Variants in ABCC5 observed in about 807,000 individuals in gnomAD.
ABCC5 encodes the protein ATP-binding cassette sub-family C member 5.
Under a neutral mutation model 160.9 loss-of-function variants are expected in ABCC5, and 61 were observed. The observed-to-expected ratio is 0.38, with a 90% confidence interval of 0.31 to 0.47. The LOEUF is 0.47. Ranked by LOEUF, ABCC5 falls within the 20% of genes least tolerant of loss-of-function variation. The pLI is 0.99. For synonymous variants in ABCC5, 666 were observed against 700.6 expected (o/e 0.95, Z 0.78); for missense variants, 1,308 against 1,813.3 (o/e 0.72, Z 5.06).
At chr3:183,965,353 T>A (rs1577548215) in intron 13 of ABCC5, 24 bp downstream of exon 13, 1 of 1,614,210 alleles carries the variant, frequency 6.2e-7, no homozygotes, top group South Asian at 1.1e-5. Context: ...ATGGAAAGCA[T>A]GACAGAAGCC....
intron 1 of ABCC5, among the ~76,000 whole-genome samples, chr3:184,014,715 A>G (rs1722051578): frequency 6.6e-6 from 1 of 152,174 alleles, no homozygotes; most frequent in South Asian, 2.1e-4. Context: ...ACACACTAGT[A>G]AAGAGACACC....
At chr3:183,994,791 T>C (rs1423420892) in intron 2 of ABCC5, among the ~76,000 whole-genome samples, 2 of 152,160 alleles carry the variant, frequency 1.3e-5, no homozygotes, top group Non-Finnish European at 2.9e-5. Context: ...CTATGTGTAC[T>C]TATATGTCAC....
At position 183,988,337 on chromosome 3, in the gene ABCC5, C is replaced by T. The variant is rs1358305057; in HGVS notation, c.443+235G>A. ...ACAAGGCAGCAACATAATCTCCCTG[C>T]AGACTCAGGAAGAGAAGCGGGGCTG... On this transcript the variant is annotated intron_variant, in intron 4 of 29. Transcript: ENST00000334444. This position sits in a 1 kb window ranked among gnomAD's most constrained non-coding sequence, Gnocchi z 4.4. Among the ~76,000 whole-genome samples, 1 of 152,208 alleles carries T rather than the reference C, an allele frequency of 6.6e-6. No individual in the cohort carries two copies. Among genetic ancestry groups the T allele is most frequent in the Non-Finnish European group, 1.5e-5 (1 of 68,048 alleles).
intron 7 of ABCC5, 93 bp from the exon 8 acceptor site, chr3:183,981,967 T>C (rs1445152054): frequency 1.7e-5 from 24 of 1,424,350 alleles, no homozygotes; most frequent in Non-Finnish European, 2.2e-5. Flanking sequence ...AAAATGAGCA[T>C]ATAATCCTGC....
intron 5 of ABCC5, chr3:183,983,991 A>T (rs1718974965): frequency 2.0e-6 from 2 of 985,360 alleles, no homozygotes; most frequent in Non-Finnish European, 2.4e-6. Flanking sequence ...AAAGTAGTAT[A>T]TCAGGCTGAC....
intron 2 of ABCC5, among the ~76,000 whole-genome samples, chr3:184,013,831 C>T (rs950468780): frequency 2.6e-5 from 4 of 152,154 alleles, no homozygotes; most frequent in Non-Finnish European, 5.9e-5. Context: ...AGAGACTTAT[C>T]AATAACCATA....
rs1286628714 is a variant in ABCC5 at position 183,982,855 on chromosome 3, G to A, written c.744C>T (p.Val248=). ...TGGTTAGGATGGCCCCCCGCAAGCGGACACCGGTTCGGTAATTCAATGCCC... is the reference window on the plus strand; with the variant it reads ...TGGTTAGGATGGCCCCCCGCAAGCGAACACCGGTTCGGTAATTCAATGCCC... ...LTWALNYRTG[V]RLRGAILTMA... is the part of the protein sequence containing the mutation. The change falls in exon 6 of 30, where the codon GTC becomes GTT. Residue 248 remains valine, a synonymous_variant. Coordinates refer to ENST00000334444, the MANE Select transcript of ABCC5 (RefSeq NM_005688.4). This position sits in a 1 kb window ranked among gnomAD's most constrained non-coding sequence, Gnocchi z 5.2. 6.2e-7 allele frequency: 1 copy of A among 1,614,176 alleles called. No individual in the cohort carries two copies. Among genetic ancestry groups the A allele is most frequent in the Non-Finnish European group, 8.5e-7 (1 of 1,180,026 alleles).
In ABCC5 at chr3:183,925,661, T is replaced by C. The variant is rs748571926; in HGVS notation, c.4106A>G (p.Gln1369Arg). Residue 1369 changes from glutamine to arginine, a missense_variant, in exon 29 of 30, where the codon CAA becomes CGA. Physicochemically the swap from Gln to Arg is conservative, Grantham distance 43. Transcript: ENST00000334444. ...TGCAAATGCTTCTCGGATGGTCTCTTGAATCAATAAGTCTGTCTCTGTGTC... is the reference window on the plus strand; with the variant it reads ...TGCAAATGCTTCTCGGATGGTCTCTCGAATCAATAAGTCTGTCTCTGTGTC... ...AMDTETDLLI[Q>R]ETIREAFADC... 1 of 1,614,056 alleles carries C rather than the reference T, an allele frequency of 6.2e-7. No individual in the cohort carries two copies. The highest frequency in any genetic ancestry group is 2.2e-5 in the East Asian group (1 of 44,884).
intron 2 of ABCC5, chr3:184,006,431 C>G (rs1293360758): frequency 2.0e-5 from 3 of 152,132 alleles, no homozygotes; most frequent in Admixed American, 2.0e-4. Context: ...CTTCCTCCTG[C>G]TCTCCTTCCT....
At chr3:183,944,277 C>T (rs540744499) in intron 24 of ABCC5, among the ~76,000 whole-genome samples, 9 of 152,114 alleles carry the variant, frequency 5.9e-5, no homozygotes, top group African/African-American at 2.2e-4. Context: ...GCCTGTAGTC[C>T]CAGTTACTTG....
intron 1 of ABCC5, among the ~76,000 whole-genome samples, chr3:184,016,743 C>G (rs904388493): frequency 1.3e-5 from 2 of 152,126 alleles, no homozygotes; most frequent in Admixed American, 1.3e-4. Context: ...CGTGGGAGAA[C>G]CCCAAAGAAG....
chr3:183,922,124 C>A (rs142510013), intron 29 of ABCC5, among the ~76,000 whole-genome samples: 2 of 151,994 alleles, frequency 1.3e-5, no homozygotes, highest in Non-Finnish European at 2.9e-5. Context: ...GTAATCCCAG[C>A]ACTTTGGGAG....
chr3:184,009,884 C>CAT, intron 2 of ABCC5: 1 of 357,162 alleles, frequency 2.8e-6, no homozygotes, highest in South Asian at 2.1e-5. Context: ...TGTGGTGCCA[C>CAT]ATGCCTGTAA....
intron 2 of ABCC5, among the ~76,000 whole-genome samples, chr3:184,008,728 G>A (rs556118218): frequency 2.7e-4 from 41 of 152,236 alleles, no homozygotes; most frequent in Admixed American, 9.2e-4. Flanking sequence ...ACTGAGAAAT[G>A]GGCAAACCAT....
intron 5 of ABCC5, chr3:183,985,174 A>C: frequency 1.1e-6 from 1 of 903,858 alleles, no homozygotes; most frequent in Non-Finnish European, 1.7e-6. Context: ...TGAAAAATCC[A>C]ACCAAAATTT....
At chr3:183,956,433 C>A (rs1225109181) in intron 17 of ABCC5, among the ~76,000 whole-genome samples, 2 of 151,474 alleles carry the variant, frequency 1.3e-5, no homozygotes, top group African/African-American at 4.9e-5. Context: ...CGGTTACATG[C>A]AGATCCGTGT....
rs781096679 is a variant in ABCC5, at chr3:183,982,645, T to TGAGGGGACCCTGC, written c.826-34_826-22dup. 6.2e-7 allele frequency: 1 copy of TGAGGGGACCCTGC among 1,613,368 alleles called. No individual in the cohort carries two copies. Among genetic ancestry groups the TGAGGGGACCCTGC allele is most frequent in the Non-Finnish European group, 8.5e-7 (1 of 1,179,494 alleles). Reference sequence around the variant, plus strand: ...ATGAGCTATAAGATACAAAGAGTAGTGAGGGGACCCTGCAAGGACACGGTT... The same window carrying TGAGGGGACCCTGC: ...ATGAGCTATAAGATACAAAGAGTAGTGAGGGGACCCTGCGAGGGGACCCTGCAAGGACACGGTT... On this transcript the variant is annotated intron_variant, in intron 6 of 29. Coordinates refer to ENST00000334444, the MANE Select transcript of ABCC5 (RefSeq NM_005688.4). This position sits in a 1 kb window ranked among gnomAD's most constrained non-coding sequence, Gnocchi z 5.2.
In ABCC5 at chr3:183,951,852, C is replaced by T. The variant is rs774093813; in HGVS notation, c.2814+5G>A. ...GGAGGGCAGAGACCACCCACCAATG[C>T]ATACCTTGACAAAGACAACTCCTCG... On this transcript the variant is annotated splice_donor_5th_base_variant and intron_variant, in intron 19 of 29. Coordinates refer to ENST00000334444, the MANE Select transcript of ABCC5 (RefSeq NM_005688.4). This position sits in a 1 kb window ranked among gnomAD's most constrained non-coding sequence, Gnocchi z 4.7. 6.2e-7 allele frequency: 1 copy of T among 1,612,904 alleles called. No individual in the cohort carries two copies. The highest frequency in any genetic ancestry group is 8.5e-7 in the Non-Finnish European group (1 of 1,179,550).
rs191904582 is a variant in ABCC5 at position 183,956,353 on chromosome 3, T to A, written c.2483-3083A>T. 4.6e-5 allele frequency among the ~76,000 whole-genome samples: 7 copies of A among 151,558 alleles called. No homozygotes were observed. In the East Asian group the frequency reaches 1.4e-3, roughly 30 times the overall value. On this transcript the variant is annotated intron_variant, in intron 17 of 29. Transcript: ENST00000334444. ...GGTTACATGCAGATCCGTGTGTATATCACATCGGTTACATGCAGCTCCGTG... is the reference window on the plus strand; with the variant it reads ...GGTTACATGCAGATCCGTGTGTATAACACATCGGTTACATGCAGCTCCGTG...
Sources: gnomAD v4.1 joint callset for allele counts (sites outside exome capture counted in the v4.1 genomes callset) on GRCh38, gnomAD v4.1.1 for gene constraint, Gnocchi (gnomAD v3.1) non-coding constraint, MANE v1.5 for transcripts, NCBI Gene and HGNC (gene_info 2026-07-23, HGNC 2026-07-21) for gene names.